The following RIMS2 variants were observed in gnomAD, a reference collection of about 807,000 sequenced individuals.
The protein encoded by RIMS2 is regulating synaptic membrane exocytosis 2.
Under a neutral mutation model 174.4 loss-of-function variants are expected in RIMS2, and 59 were observed. That is an observed-to-expected ratio of 0.34 (90% CI 0.27 to 0.42). RIMS2 has a LOEUF of 0.42. RIMS2 is among the 10% of genes least tolerant of loss of function. The probability of loss-of-function intolerance (pLI) is 1.00; values close to 1 mark genes in which losing one functional copy is unlikely to be tolerated. For missense variants in RIMS2, 1,620 were observed against 1,666.3 expected (o/e 0.97, Z 0.48); for synonymous variants, 606 against 572.5 (o/e 1.06, Z -0.84).
intron 19 of RIMS2, chr8:104,223,354 C>G: frequency 8.6e-7 from 1 of 1,159,092 alleles, no homozygotes; most frequent in African/African-American, 1.6e-5. Context: ...CTCCAGCCTC[C>G]AGGATTCTCA....
chr8:103,605,665 C>T (rs908288824), intron 1 of RIMS2, among the ~76,000 whole-genome samples: 4 of 152,106 alleles, frequency 2.6e-5, no homozygotes, highest in Non-Finnish European at 4.4e-5. Context: ...TTGAGTATTG[C>T]CACAATTTCT....
Position 103,708,974 on chromosome 8 carries a change from AT to A in RIMS2, c.387+11685del, listed in dbSNP as rs1195938749. On this transcript the variant is annotated intron_variant, in intron 2 of 23. Coordinates refer to ENST00000504942, the Ensembl canonical transcript of RIMS2. ...TGTTCTTTCCTTTAATCTTAGTTTT[AT>A]TTTTTTCCTTGTGTTTTATTTTGTA... Among the ~76,000 whole-genome samples the A allele has an allele frequency of 8.6e-5, 13 of 151,208 alleles. 1 individual carries two copies. Among genetic ancestry groups the A allele is most frequent in the Non-Finnish European group, 1.8e-4 (12 of 67,726 alleles).
chr8:104,061,569 T>G (rs2096990456), intron 19 of RIMS2, among the ~76,000 whole-genome samples: 1 of 150,850 alleles, frequency 6.6e-6, no homozygotes, highest in Non-Finnish European at 1.5e-5. Flanking sequence ...TTCTGGTGTA[T>G]CAGTCTTCAA....
chr8:103,830,928 C>A (rs892759075), intron 3 of RIMS2, among the ~76,000 whole-genome samples: 1 of 152,192 alleles, frequency 6.6e-6, no homozygotes, highest in Non-Finnish European at 1.5e-5. Flanking sequence ...CCCACCTCAG[C>A]CTCCTGAGTA....
chr8:104,019,322 A>G (rs989383448), intron 19 of RIMS2, among the ~76,000 whole-genome samples: 1 of 152,218 alleles, frequency 6.6e-6, no homozygotes, highest in East Asian at 1.9e-4. Flanking sequence ...ATCAAGTTTA[A>G]TTGTAACTTT....
chr8:103,953,466 A>AT (rs1327650730), intron 14 of RIMS2, among the ~76,000 whole-genome samples: 1 of 152,152 alleles, frequency 6.6e-6, no homozygotes, highest in Non-Finnish European at 1.5e-5. Flanking sequence ...TAAAGAAAGG[A>AT]TTTTTCAAGC....
chr8:103,656,869 A>G (rs530403707), intron 1 of RIMS2, among the ~76,000 whole-genome samples: 50 of 152,216 alleles, frequency 3.3e-4, no homozygotes, highest in Admixed American at 3.9e-4. Context: ...TTGCGGTCCT[A>G]GCCTTAGGGA....
intron 1 of RIMS2, among the ~76,000 whole-genome samples, chr8:103,532,993 T>C (rs1456578542): frequency 6.6e-6 from 1 of 152,204 alleles, no homozygotes; most frequent in Non-Finnish European, 1.5e-5. Context: ...ACTAAAGGAA[T>C]ATAATATATG....
intron 19 of RIMS2, among the ~76,000 whole-genome samples, chr8:104,083,944 AG>A (rs1418131154): frequency 1.3e-5 from 2 of 152,130 alleles, no homozygotes; most frequent in Non-Finnish European, 2.9e-5. Flanking sequence ...TACACAGCTA[AG>A]TGTTAATGTT....
At chr8:104,256,009 T>G (rs1444960413), downstream of RIMS2, 2 of 152,196 alleles carry the variant, frequency 1.3e-5, no homozygotes, top group Non-Finnish European at 2.9e-5. Context: ...AACTAAAACG[T>G]AAGCTCCTTC....
chr8:103,922,635 A>G, intron 10 of RIMS2: 1 of 402,358 alleles, frequency 2.5e-6, no homozygotes, highest in Non-Finnish European at 5.0e-6. Flanking sequence ...TTTTGGATTA[A>G]AAAAAAGTTA....
intron 1 of RIMS2, among the ~76,000 whole-genome samples, chr8:103,622,075 A>G (rs10086723): frequency 0.18 from 27,680 of 152,088 alleles, 2,758 homozygotes; most frequent in African/African-American, 0.26. Context: ...GTAGAGAAAA[A>G]TACATTTCTA....
intron 19 of RIMS2, among the ~76,000 whole-genome samples, chr8:104,181,234 G>T (rs914117142): frequency 2.6e-5 from 4 of 151,502 alleles, no homozygotes; most frequent in African/African-American, 9.7e-5. Flanking sequence ...GCATATCTTG[G>T]AATTAATAGT....
intron 19 of RIMS2, among the ~76,000 whole-genome samples, chr8:104,210,771 C>A (rs558065203): frequency 1.0e-3 from 152 of 152,218 alleles, no homozygotes; most frequent in African/African-American, 3.1e-3. Context: ...AGTTATATTT[C>A]TTTCACAGAA....
intron 3 of RIMS2, among the ~76,000 whole-genome samples, chr8:103,856,045 G>A (rs2099025851): frequency 6.6e-6 from 1 of 152,132 alleles, no homozygotes; most frequent in African/African-American, 2.4e-5. Context: ...CTCCAAAATT[G>A]AATCAGATGT....
intron 19 of RIMS2, among the ~76,000 whole-genome samples, chr8:104,126,537 A>G (rs1362961033): frequency 2.0e-5 from 3 of 152,216 alleles, no homozygotes; most frequent in Non-Finnish European, 4.4e-5. Flanking sequence ...TTGGCTTTAC[A>G]TTAGAACCAC....
At chr8:103,610,319 T>G (rs971211303) in intron 1 of RIMS2, among the ~76,000 whole-genome samples, 1 of 152,170 alleles carries the variant, frequency 6.6e-6, no homozygotes, top group Non-Finnish European at 1.5e-5. Flanking sequence ...GGATGCCTTT[T>G]ATTTCTTTTT....
At chr8:103,919,392 T>A (rs1475260479) in intron 9 of RIMS2, among the ~76,000 whole-genome samples, 1 of 151,866 alleles carries the variant, frequency 6.6e-6, no homozygotes, top group Non-Finnish European at 1.5e-5. Context: ...AGAGGAATAA[T>A]GGGCAAATTG....
At chr8:103,730,555 T>G (rs545811092) in intron 2 of RIMS2, among the ~76,000 whole-genome samples, 1 of 152,344 alleles carries the variant, frequency 6.6e-6, no homozygotes, top group Admixed American at 6.5e-5. Context: ...TAGAAATTTT[T>G]TGTAGCTATT....
Sources: gnomAD v4.1 joint callset for allele counts (sites outside exome capture counted in the v4.1 genomes callset) on GRCh38, gnomAD v4.1.1 for gene constraint, MANE v1.5 for transcripts, NCBI Gene and HGNC (gene_info 2026-07-23, HGNC 2026-07-21) for gene names.